ADAM12: variants seen among roughly 807,000 people sequenced by gnomAD.
The protein encoded by ADAM12 is ADAM metallopeptidase domain 12, also known as disintegrin and metalloproteinase domain-containing protein 12.
ADAM12 carries 70 observed loss-of-function variants against 106.4 expected under a neutral mutation model. That is an observed-to-expected ratio of 0.66 (90% CI 0.54 to 0.80). The LOEUF is 0.80. Among genes scored for constraint, ADAM12 ranks in the 30% least tolerant of loss-of-function variants. The pLI is 0.00. For missense variants in ADAM12, 1,010 were observed against 1,171.9 expected, an observed-to-expected ratio of 0.86 and a Z score of 2.02; for synonymous variants, 420 against 433.5, an observed-to-expected ratio of 0.97 and a Z score of 0.39.
At chr10:126,196,717 G>C (rs1039560367) in intron 3 of ADAM12, among the ~76,000 whole-genome samples, 1 of 152,280 alleles carries the variant, frequency 6.6e-6, no homozygotes, top group African/African-American at 2.4e-5. Flanking sequence ...TGTAGTAAAA[G>C]TCATAGTTCA....
At chr10:126,061,975 C>A (rs1255417303) in intron 14 of ADAM12, among the ~76,000 whole-genome samples, 2 of 152,192 alleles carry the variant, frequency 1.3e-5, no homozygotes, top group Non-Finnish European at 2.9e-5. Flanking sequence ...ACACTGCACT[C>A]CCAAAGGAGG....
At chr10:126,319,893 T>C (rs933913773) in intron 2 of ADAM12, among the ~76,000 whole-genome samples, 1 of 152,200 alleles carries the variant, frequency 6.6e-6, no homozygotes, top group Non-Finnish European at 1.5e-5. Flanking sequence ...AGGGTGGGAA[T>C]TGACTTTTAT....
In ADAM12 at chr10:126,071,457, G is replaced by A. The variant is rs763069424; in HGVS notation, c.1323+20C>T. 18 of 1,611,982 alleles carry A rather than the reference G, an allele frequency of 1.1e-5. No homozygotes were observed. Among genetic ancestry groups the A allele is most frequent in the Non-Finnish European group, 1.4e-5 (17 of 1,178,690 alleles). On this transcript the variant is annotated intron_variant, in intron 12 of 22. Coordinates refer to ENST00000448723, the MANE Select transcript of ADAM12 (RefSeq NM_001288973.2). ...AGGATACAAGTCTTCTTGTATCCTT[G>A]TTCTGGGAATGGTTCTTACCTCTGG...
intron 2 of ADAM12, among the ~76,000 whole-genome samples, chr10:126,296,852 G>C (rs979491934): frequency 1.1e-4 from 17 of 152,178 alleles, no homozygotes; most frequent in South Asian, 4.1e-4. Flanking sequence ...TGAACTGCAG[G>C]CCTTTTCATT....
intron 18 of ADAM12, chr10:126,041,790 GA>G: frequency 8.9e-7 from 1 of 1,121,224 alleles, no homozygotes; most frequent in East Asian, 5.9e-5. Flanking sequence ...CACTGCTGTG[GA>G]GGCTCAGTGA....
chr10:126,182,402 AAAAC>A (rs148171571), intron 3 of ADAM12, among the ~76,000 whole-genome samples: 11,159 of 148,520 alleles, frequency 0.075, 765 homozygotes, highest in African/African-American at 0.18. Flanking sequence ...TTTGTCCAGC[AAAAC>A]AAACAAACAA....
At chr10:126,101,026 G>A (rs377453112) in intron 9 of ADAM12, 46 bp downstream of exon 9, 25 of 1,601,884 alleles carry the variant, frequency 1.6e-5, no homozygotes, top group East Asian at 4.5e-5. Context: ...GGGCTTCGCC[G>A]AGAGCACTCC....
chr10:126,154,342 G>A (rs1956777311), intron 4 of ADAM12, among the ~76,000 whole-genome samples: 1 of 152,164 alleles, frequency 6.6e-6, no homozygotes, highest in African/African-American at 2.4e-5. Context: ...TTTTCTTTGG[G>A]CTGGGAGAGC....
intron 3 of ADAM12, among the ~76,000 whole-genome samples, chr10:126,174,693 A>T (rs887556035): frequency 2.0e-5 from 3 of 151,718 alleles, no homozygotes; most frequent in African/African-American, 7.3e-5. Flanking sequence ...TTGGAATGAG[A>T]CATTTCCACT....
At chr10:126,301,482 G>A (rs919614779) in intron 2 of ADAM12, among the ~76,000 whole-genome samples, 3 of 152,124 alleles carry the variant, frequency 2.0e-5, no homozygotes, top group African/African-American at 7.2e-5. Context: ...TTTAATATGG[G>A]GAGGTTTCCT....
chr10:126,061,734 G>A (rs563360403), intron 14 of ADAM12, among the ~76,000 whole-genome samples: 12 of 152,210 alleles, frequency 7.9e-5, no homozygotes, highest in Non-Finnish European at 1.5e-4. Flanking sequence ...AGGAATGCAA[G>A]TGGCCTCTAA....
intron 2 of ADAM12, among the ~76,000 whole-genome samples, chr10:126,282,337 A>G (rs1959624615): frequency 6.6e-6 from 1 of 152,186 alleles, no homozygotes; most frequent in South Asian, 2.1e-4. Context: ...TAGGATGTCA[A>G]TACAGGAATT....
At chr10:126,371,439 T>G (rs1410307462) in intron 1 of ADAM12, among the ~76,000 whole-genome samples, 1 of 152,204 alleles carries the variant, frequency 6.6e-6, no homozygotes, top group Admixed American at 6.5e-5. Context: ...TAGCTGCAAC[T>G]TAGTTTCAGA....
intron 2 of ADAM12, among the ~76,000 whole-genome samples, chr10:126,290,622 G>A (rs1044732867): frequency 1.3e-5 from 2 of 152,240 alleles, no homozygotes; most frequent in South Asian, 2.1e-4. Flanking sequence ...ACTTATTATC[G>A]ATTGCTAATT....
At chr10:126,365,221 C>T (rs1249023546) in intron 1 of ADAM12, among the ~76,000 whole-genome samples, 1 of 152,176 alleles carries the variant, frequency 6.6e-6, no homozygotes, top group Non-Finnish European at 1.5e-5. Context: ...CATTTGTTCT[C>T]TAACATTCTG....
intron 3 of ADAM12, among the ~76,000 whole-genome samples, chr10:126,255,973 G>C (rs1276270914): frequency 1.3e-5 from 2 of 152,100 alleles, no homozygotes; most frequent in Non-Finnish European, 2.9e-5. Flanking sequence ...ATCTCGTCAG[G>C]GCACTTACCA....
At position 126,179,189 on chromosome 10, in the gene ADAM12, C is replaced by T. The variant is rs978428036; in HGVS notation, c.261-23884G>A. 7.9e-5 allele frequency among the ~76,000 whole-genome samples: 12 copies of T among 152,282 alleles called. No individual in the cohort carries two copies. In the East Asian group the frequency reaches 1.2e-3, roughly 15 times the overall value. On this transcript the variant is annotated intron_variant, in intron 3 of 22. Transcript: ENST00000448723. ...TCCCATCAGCTGTGCCCAAAGTTTT[C>T]GTAAATATTGGTTAAGTGAAGCGGG...
In ADAM12 at chr10:126,071,671, C is replaced by A; in HGVS notation, c.1146-17G>T. On this transcript the variant is annotated splice_polypyrimidine_tract_variant and intron_variant, in intron 11 of 22. Transcript: ENST00000448723. ...AATGGGTACCTGAGAAAGGAGAGCC[C>A]AGAACAGTAAGTCACAGGGCATGGA... 1 of 1,613,136 alleles carries A rather than the reference C, an allele frequency of 6.2e-7. No individual in the cohort carries two copies. Among genetic ancestry groups the A allele is most frequent in the Non-Finnish European group, 8.5e-7 (1 of 1,179,270 alleles).
Position 126,131,104 on chromosome 10 carries a change from C to CTT in ADAM12, c.416+4478_416+4479dup, listed in dbSNP as rs71029289. ...AGTGTCCCTGGCTCTCAGCTGTCTTCTTTTTTTTTTTTTTTTTTTTTTTTT... is the reference window on the plus strand; with the variant it reads ...AGTGTCCCTGGCTCTCAGCTGTCTTCTTTTTTTTTTTTTTTTTTTTTTTTTTT... On this transcript the variant is annotated intron_variant, in intron 5 of 22. Coordinates refer to ENST00000448723, the MANE Select transcript of ADAM12 (RefSeq NM_001288973.2). 3.7e-3 allele frequency among the ~76,000 whole-genome samples: 372 copies of CTT among 100,856 alleles called. 18 individuals carry two copies. The highest frequency in any genetic ancestry group is 9.3e-3 in the African/African-American group (246 of 26,372). The allele number at this position is 100,856 out of a possible 152,430, so 66.2% of individuals were successfully genotyped here.
Sources: allele counts gnomAD v4.1 joint callset (sites outside exome capture counted in the v4.1 genomes callset), GRCh38; gene constraint gnomAD v4.1.1; transcripts MANE v1.5; gene names NCBI Gene and HGNC (gene_info 2026-07-23, HGNC 2026-07-21).